The following ETFA variants were observed in gnomAD, a reference collection of about 807,000 sequenced individuals.
ETFA encodes electron transfer flavoprotein subunit alpha, also known as electron transfer flavoprotein subunit alpha, mitochondrial.
ETFA carries 22 observed loss-of-function variants against 46.2 expected under a neutral mutation model. The ratio of observed to expected loss-of-function variants is 0.48; its 90% confidence interval spans 0.34 to 0.68. The LOEUF (loss-of-function observed/expected upper bound fraction) is 0.68. Among genes scored for constraint, ETFA ranks in the 30% least tolerant of loss-of-function variants. ETFA has a pLI of 0.01. For synonymous variants in ETFA, 131 were observed against 139.9 expected, an observed-to-expected ratio of 0.94 and a Z score of 0.45; for missense variants, 345 against 401.1, an observed-to-expected ratio of 0.86 and a Z score of 1.19.
rs1191132863 is a variant in ETFA, at chr15:76,275,031, G to C, written c.734-537C>G. ...TTCATCTCAAGCTGAAAAGGACAGA[G>C]GGAGCCATAGACAATACAACTAACA... On this transcript the variant is annotated intron_variant, in intron 8 of 11. Coordinates refer to ENST00000557943, the MANE Select transcript of ETFA (RefSeq NM_000126.4). 3.3e-5 allele frequency among the ~76,000 whole-genome samples: 5 copies of C among 152,130 alleles called. No individual in the cohort carries two copies. The East Asian group carries it at 9.6e-4, about 29-fold the overall frequency.
chr15:76,263,000 T>C (rs1464477813), intron 9 of ETFA, among the ~76,000 whole-genome samples: 1 of 152,116 alleles, frequency 6.6e-6, no homozygotes, highest in East Asian at 1.9e-4. Context: ...CCAGTGGCCT[T>C]TGGAACATGT....
chr15:76,216,561 A>AT lies in ETFA; in HGVS notation c.999dup (p.Ter334MetfsTer45), dbSNP rs984102947. 2 of 1,577,586 alleles carry AT rather than the reference A, an allele frequency of 1.3e-6. No homozygotes were observed. The highest frequency in any genetic ancestry group is 1.7e-6 in the Non-Finnish European group (2 of 1,147,034). On this transcript the variant is annotated frameshift_variant, in exon 12 of 12. Coordinates refer to ENST00000557943, the MANE Select transcript of ETFA (RefSeq NM_000126.4). LOFTEE classifies it high-confidence loss of function. ...TCTTTTTAAGGCATGATCCTGATTC[A>AT]TTTTTTCTTCAATATCTCAGTCATT...
chr15:76,233,144 A>C (rs2039086362), intron 9 of ETFA, among the ~76,000 whole-genome samples: 1 of 152,108 alleles, frequency 6.6e-6, no homozygotes, highest in African/African-American at 2.4e-5. Flanking sequence ...ATGAGGATAA[A>C]AAGCAATTGC....
intron 1 of ETFA, among the ~76,000 whole-genome samples, chr15:76,302,072 A>G (rs752068315): frequency 3.9e-5 from 6 of 152,248 alleles, no homozygotes; most frequent in Non-Finnish European, 8.8e-5. Flanking sequence ...AGAAACTCTC[A>G]TTCATTGCTG....
Position 76,220,787 on chromosome 15 carries a change from C to T in ETFA, c.964-4190G>A, listed in dbSNP as rs140758942. Among the ~76,000 whole-genome samples, 605 of 152,312 alleles carry T rather than the reference C, an allele frequency of 4.0e-3. 3 individuals are homozygous for T. Among genetic ancestry groups the T allele is most frequent in the African/African-American group, 0.014 (568 of 41,562 alleles). On this transcript the variant is annotated intron_variant, in intron 11 of 11. Coordinates refer to ENST00000557943, the MANE Select transcript of ETFA (RefSeq NM_000126.4). ...AAAACCACAATGAGATACCACCTCA[C>T]ACTCATTAGAAGGGCTATATTTAAA... is the stretch of plus-strand genomic sequence containing the variant.
chr15:76,280,917 C>CTTTTTT (rs35907442), intron 8 of ETFA, among the ~76,000 whole-genome samples: 1 of 102,056 alleles, frequency 9.8e-6, no homozygotes, highest in African/African-American at 4.0e-5. Flanking sequence ...GTTCAGATGT[C>CTTTTTT]TTTTTTTTTT....
chr15:76,235,361 TAA>T (rs1257328662), intron 9 of ETFA, among the ~76,000 whole-genome samples: 2 of 152,162 alleles, frequency 1.3e-5, no homozygotes, highest in African/African-American at 4.8e-5. Context: ...GCACCACTCT[TAA>T]CAGTCACTAT....
At chr15:76,252,730 G>A (rs1311700071) in intron 9 of ETFA, among the ~76,000 whole-genome samples, 1 of 152,052 alleles carries the variant, frequency 6.6e-6, no homozygotes, top group Non-Finnish European at 1.5e-5. Flanking sequence ...ATCAGAATAT[G>A]AACTGACAAA....
Position 76,286,392 on chromosome 15 carries a change from C to G in ETFA, c.541G>C (p.Gly181Arg). 1.2e-6 allele frequency: 2 copies of G among 1,611,758 alleles called. No homozygotes were observed. The highest frequency in any genetic ancestry group is 8.5e-7 in the Non-Finnish European group (1 of 1,177,936). Residue 181 changes from glycine to arginine, a missense_variant, in exon 6 of 12, where the codon GGT becomes CGT. Physicochemically the swap from Gly to Arg is moderately radical, Grantham distance 125. Coordinates refer to ENST00000557943, the MANE Select transcript of ETFA (RefSeq NM_000126.4). ...TSFDAAATSGGSASSEKASST... is the reference protein window; with the variant it reads ...TSFDAAATSGRSASSEKASST... ...TCACCCTTTTCTGAACTGGCACTAC[C>G]GCCACTTGTTGCTGCAGCATCAAAG...
At chr15:76,291,833 C>T (rs894708665) in intron 4 of ETFA, among the ~76,000 whole-genome samples, 3 of 152,066 alleles carry the variant, frequency 2.0e-5, no homozygotes, top group African/African-American at 7.2e-5. Flanking sequence ...ATAACACCCA[C>T]GGCCACAGAG....
intron 11 of ETFA, among the ~76,000 whole-genome samples, chr15:76,217,912 G>A (rs746746322): frequency 2.6e-5 from 4 of 152,194 alleles, no homozygotes; most frequent in South Asian, 2.1e-4. Context: ...TGTTTCTTCC[G>A]AATGTCACTG....
chr15:76,260,911 G>A (rs527572887), intron 9 of ETFA: 15 of 1,611,954 alleles, frequency 9.3e-6, no homozygotes, highest in South Asian at 3.3e-5. Context: ...CAGCCTCCTG[G>A]GGCCTGTGTC....
At chr15:76,259,684 GGA>G (rs1449807670) in intron 9 of ETFA, 1 of 1,100,158 alleles carries the variant, frequency 9.1e-7, no homozygotes, top group Non-Finnish European at 1.4e-6. Context: ...AGATCTTCCA[GGA>G]GAGTCCAAAG....
intron 1 of ETFA, 40 bp from the exon 2 acceptor site, chr15:76,295,777 T>A (rs756975805): frequency 4.5e-6 from 7 of 1,553,622 alleles, no homozygotes; most frequent in Admixed American, 1.9e-5. Flanking sequence ...TAAAGAATGT[T>A]GTCACAGGGT....
intron 9 of ETFA, among the ~76,000 whole-genome samples, chr15:76,244,672 A>T (rs2141476617): frequency 6.6e-6 from 1 of 152,236 alleles, no homozygotes; most frequent in South Asian, 2.1e-4. Flanking sequence ...AGGAAAAAAA[A>T]AAAACAAAAT....
intron 5 of ETFA, among the ~76,000 whole-genome samples, chr15:76,287,047 T>C (rs1356262475): frequency 6.6e-6 from 1 of 152,226 alleles, no homozygotes; most frequent in East Asian, 1.9e-4. Context: ...GAATTAGCCA[T>C]TCATACTGGA....
At chr15:76,279,736 T>C (rs1055123255) in intron 8 of ETFA, among the ~76,000 whole-genome samples, 1 of 151,922 alleles carries the variant, frequency 6.6e-6, no homozygotes, top group Non-Finnish European at 1.5e-5. Context: ...GTTGATCAAT[T>C]TTTTCCCCCC....
rs1356199068 is a variant in ETFA at position 76,254,706 on chromosome 15, A to G, written c.816+19706T>C. Among the ~76,000 whole-genome samples the G allele has an allele frequency of 2.6e-5, 4 of 151,962 alleles. No individual in the cohort carries two copies. The East Asian group carries it at 7.7e-4, about 29-fold the overall frequency. On this transcript the variant is annotated intron_variant, in intron 9 of 11. Coordinates refer to ENST00000557943, the MANE Select transcript of ETFA (RefSeq NM_000126.4). ...TGCCAAGACTTTTAAAGAAACCATCACTCTGATGGCTAATAGAATGTATGC... is the reference window on the plus strand; with the variant it reads ...TGCCAAGACTTTTAAAGAAACCATCGCTCTGATGGCTAATAGAATGTATGC...
intron 1 of ETFA, among the ~76,000 whole-genome samples, chr15:76,303,787 CA>C (rs1345673418): frequency 6.6e-6 from 1 of 152,268 alleles, no homozygotes; most frequent in East Asian, 1.9e-4. Flanking sequence ...ATTTAAAACT[CA>C]AAAAACAACA....
Sources: gnomAD v4.1 joint callset for allele counts (sites outside exome capture counted in the v4.1 genomes callset) on GRCh38, gnomAD v4.1.1 for gene constraint, MANE v1.5 for transcripts, NCBI Gene and HGNC (gene_info 2026-07-23, HGNC 2026-07-21) for gene names.